PDE8A: variants seen among roughly 807,000 people sequenced by gnomAD.
PDE8A encodes high affinity cAMP-specific and IBMX-insensitive 3',5'-cyclic phosphodiesterase 8A.
A neutral mutation model predicts 105.0 loss-of-function variants in PDE8A; 59 were observed. That is an observed-to-expected ratio of 0.56 (90% confidence interval 0.46 to 0.70). PDE8A has a LOEUF of 0.70. PDE8A is among the 30% of genes least tolerant of loss of function. The pLI is 0.00. For missense variants in PDE8A, 1,014 were observed against 1,045.9 expected (o/e 0.97, Z 0.42); for synonymous variants, 355 against 371.9 (o/e 0.95, Z 0.52).
At chr15:84,997,775 A>G (rs1027349930) in intron 1 of PDE8A, among the ~76,000 whole-genome samples, 53 of 151,870 alleles carry the variant, frequency 3.5e-4, no homozygotes, top group African/African-American at 1.3e-3. Flanking sequence ...TTGTGTTTTT[A>G]GTAGAGACGG....
chr15:85,083,001 T>C (rs1226696984), intron 5 of PDE8A, among the ~76,000 whole-genome samples: 2 of 152,278 alleles, frequency 1.3e-5, no homozygotes, highest in Non-Finnish European at 2.9e-5. Flanking sequence ...CCAGTGCCTC[T>C]GCTGTGGAAG....
intron 1 of PDE8A, among the ~76,000 whole-genome samples, chr15:85,009,055 T>G (rs1030057699): frequency 4.6e-5 from 7 of 152,110 alleles, no homozygotes; most frequent in Non-Finnish European, 1.0e-4. Context: ...ACACAACTTC[T>G]GACCTTTTTC....
chr15:85,116,134 A>G lies in PDE8A; in HGVS notation c.1535+15A>G. The stretch of plus-strand genomic sequence containing the variant: ...ACCCACAATAGGTGAGTTCATGCAG[A>G]GCTCAGCAGCGGGAGAACTAGATTC... On this transcript the variant is annotated intron_variant, in intron 16 of 21. Coordinates refer to ENST00000394553, the MANE Select transcript of PDE8A (RefSeq NM_002605.3). 1 of 1,613,570 alleles carries G rather than the reference A, an allele frequency of 6.2e-7. No homozygotes were observed. The highest frequency in any genetic ancestry group is 1.3e-5 in the African/African-American group (1 of 75,026).
intron 19 of PDE8A, among the ~76,000 whole-genome samples, chr15:85,125,038 TCA>T (rs1184946084): frequency 6.6e-6 from 1 of 152,192 alleles, no homozygotes; most frequent in Non-Finnish European, 1.5e-5. Flanking sequence ...GAAACTATAG[TCA>T]CACTGCAGGT....
At chr15:85,019,897 A>G (rs2080392786) in intron 1 of PDE8A, among the ~76,000 whole-genome samples, 1 of 150,556 alleles carries the variant, frequency 6.6e-6, no homozygotes, top group Non-Finnish European at 1.5e-5. Context: ...GTATGTTTCG[A>G]AAAGGCTCTT....
At chr15:85,075,993 A>G in intron 4 of PDE8A, 75 bp downstream of exon 4, 1 of 779,452 alleles carries the variant, frequency 1.3e-6, no homozygotes. Flanking sequence ...GCCAAATAAC[A>G]GCTTGCATGC....
intron 1 of PDE8A, among the ~76,000 whole-genome samples, chr15:85,011,520 A>T (rs567593967): frequency 1.3e-5 from 2 of 152,332 alleles, no homozygotes; most frequent in Admixed American, 6.5e-5. Flanking sequence ...GTAAAAAATT[A>T]TAAAACACTC....
At position 85,122,103 on chromosome 15, in the gene PDE8A, G is replaced by A. The variant is rs150359758; in HGVS notation, c.1953-958G>A. 2.3e-3 allele frequency among the ~76,000 whole-genome samples: 352 copies of A among 152,018 alleles called. 2 individuals carry two copies. The highest frequency in any genetic ancestry group is 8.2e-3 in the African/African-American group (339 of 41,458). On this transcript the variant is annotated intron_variant, in intron 18 of 21. Coordinates refer to ENST00000394553, the MANE Select transcript of PDE8A (RefSeq NM_002605.3). ...TCTCTGTTTACATGTCACTTCCTTG[G>A]GGAAGCCTTCCCTGATCTCTCATGC...
At chr15:85,009,084 A>AGT (rs2080196158) in intron 1 of PDE8A, among the ~76,000 whole-genome samples, 2 of 138,672 alleles carry the variant, frequency 1.4e-5, no homozygotes, top group Non-Finnish European at 3.1e-5. Context: ...CTGGTGTGTT[A>AGT]GTGTGTGAGA....
chr15:85,042,087 T>A (rs78864950), intron 1 of PDE8A, among the ~76,000 whole-genome samples: 13 of 150,120 alleles, frequency 8.7e-5, no homozygotes, highest in South Asian at 6.3e-4. Context: ...TTTTTTTTTT[T>A]TAATAAAAAA....
intron 1 of PDE8A, among the ~76,000 whole-genome samples, chr15:85,021,065 G>T (rs1445062547): frequency 2.0e-5 from 3 of 152,106 alleles, no homozygotes; most frequent in African/African-American, 7.2e-5. Flanking sequence ...AGATGATTAG[G>T]TCATGGGGGC....
intron 3 of PDE8A, 134 bp downstream of exon 3, chr15:85,067,338 C>T: frequency 1.7e-6 from 1 of 582,068 alleles, no homozygotes; most frequent in Non-Finnish European, 3.0e-6. Flanking sequence ...AATATTAGAA[C>T]CTCACTATTT....
At chr15:85,091,303 G>T in intron 8 of PDE8A, 122 bp downstream of exon 8, 1 of 832,320 alleles carries the variant, frequency 1.2e-6, no homozygotes. Flanking sequence ...GGGAAGTATA[G>T]GGAATGTTAT....
chr15:84,993,287 C>CA (rs930652603), intron 1 of PDE8A, among the ~76,000 whole-genome samples: 32 of 151,288 alleles, frequency 2.1e-4, no homozygotes, highest in East Asian at 3.9e-4. Context: ...TCTAAAAATA[C>CA]AAAAAATTAG....
At position 84,992,219 on chromosome 15, in the gene PDE8A, C is replaced by T. The variant is rs529499223; in HGVS notation, c.186+9871C>T. Among the ~76,000 whole-genome samples, 203 of 152,080 alleles carry T rather than the reference C, an allele frequency of 1.3e-3. 1 individual carries two copies. The highest frequency in any genetic ancestry group is 1.6e-3 in the Non-Finnish European group (110 of 68,002). ...GTCTCTGACCTGGAAGTGATGATGG[C>T]ACCTTGGGGGATGGATTGTGGAGGC... On this transcript the variant is annotated intron_variant, in intron 1 of 21. Transcript: ENST00000394553.
intron 11 of PDE8A, among the ~76,000 whole-genome samples, chr15:85,104,046 C>A (rs1309026995): frequency 6.6e-6 from 1 of 152,212 alleles, no homozygotes; most frequent in Admixed American, 6.5e-5. Flanking sequence ...CCAATACATG[C>A]TCCCTTTTCC....
chr15:85,015,326 A>G (rs2080307486), intron 1 of PDE8A, among the ~76,000 whole-genome samples: 1 of 151,770 alleles, frequency 6.6e-6, no homozygotes, highest in African/African-American at 2.4e-5. Context: ...TCCCGGGCTC[A>G]GGTGATCCTC....
rs1336225565 is a variant in PDE8A, at chr15:85,120,780, A to G, written c.1735-17A>G. On this transcript the variant is annotated splice_polypyrimidine_tract_variant and intron_variant, in intron 17 of 21. Transcript: ENST00000394553. ...TCAGTGTCATACCCCAGTTTTTAAA[A>G]GCTCTCTTGTTTTCAGGAAACTTTA... is the stretch of plus-strand genomic sequence containing the variant. 6.4e-7 allele frequency: 1 copy of G among 1,556,154 alleles called. No homozygotes were observed. The highest frequency in any genetic ancestry group is 1.2e-5 in the South Asian group (1 of 84,414).
Position 85,137,843 on chromosome 15 carries a change from T to C in PDE8A, c.2430T>C (p.Phe810=). 1 of 1,613,846 alleles carries C rather than the reference T, an allele frequency of 6.2e-7. No individual in the cohort carries two copies. Among genetic ancestry groups the C allele is most frequent in the Non-Finnish European group, 8.5e-7 (1 of 1,179,732 alleles). The change falls in exon 22 of 22, where the codon TTT becomes TTC. Residue 810 remains phenylalanine (F), a synonymous_variant. Transcript: ENST00000394553. ...PDLMQHLDNN[F]KYWKGLDEMK... ...TAATGCAGCATCTTGACAACAACTTTAAATACTGGAAAGGACTGGACGAAA... is the reference window on the plus strand; with the variant it reads ...TAATGCAGCATCTTGACAACAACTTCAAATACTGGAAAGGACTGGACGAAA...
Sources: gnomAD v4.1 joint callset for allele counts (sites outside exome capture counted in the v4.1 genomes callset) on GRCh38, gnomAD v4.1.1 for gene constraint, MANE v1.5 for transcripts, NCBI Gene and HGNC (gene_info 2026-07-23, HGNC 2026-07-21) for gene names.